The following PROC variants were observed in gnomAD, a reference collection of about 807,000 sequenced individuals.
PROC encodes protein C, inactivator of coagulation factors Va and VIIIa, also known as vitamin K-dependent protein C.
Under a neutral mutation model 36.3 loss-of-function variants are expected in PROC, and 22 were observed. That is an observed-to-expected ratio of 0.61 (90% CI 0.43 to 0.86). The LOEUF (loss-of-function observed/expected upper bound fraction) is 0.86. Ranked by LOEUF, PROC falls within the 40% of genes least tolerant of loss-of-function variation. The pLI is 0.00. For synonymous variants in PROC, 218 were observed against 244.5 expected (o/e 0.89, Z 1.01); for missense variants, 526 against 629.7 (o/e 0.84, Z 1.76).
intron 6 of PROC, 122 bp from the exon 7 acceptor site, chr2:127,425,963 T>A (rs1339783901): frequency 9.5e-7 from 1 of 1,050,272 alleles, no homozygotes; most frequent in Non-Finnish European, 1.5e-6. Flanking sequence ...GGTCTAAGTA[T>A]CATTGGTTCC....
chr2:127,426,637 G>A lies in PROC; in HGVS notation c.678+410G>A. 3.0e-6 allele frequency: 1 copy of A among 335,290 alleles called. No homozygotes were observed. The highest frequency in any genetic ancestry group is 5.7e-6 in the Non-Finnish European group (1 of 174,086). The allele number at this position is 335,290 out of a possible 1,614,324, so 20.8% of individuals were successfully genotyped here. A position where few individuals can be genotyped will look rare whatever the true frequency, so the allele number is the denominator to read the frequency against. ...TCTCTGCCAGGCATGGGGGAGATAGGAACCAACAAGTGGGAGTATTTGCCC... is the reference window on the plus strand; with the variant it reads ...TCTCTGCCAGGCATGGGGGAGATAGAAACCAACAAGTGGGAGTATTTGCCC... On this transcript the variant is annotated intron_variant, in intron 7 of 8. Coordinates refer to ENST00000234071, the MANE Select transcript of PROC (RefSeq NM_000312.4). The surrounding 1 kb of genome is among the most constrained non-coding windows in gnomAD (Gnocchi z 7.0).
At chr2:127,427,717 G>A (rs1193353740) in intron 8 of PROC, among the ~76,000 whole-genome samples, 1 of 152,216 alleles carries the variant, frequency 6.6e-6, no homozygotes, top group Admixed American at 6.5e-5. Context: ...TTCTGGAGGG[G>A]GGGTCTGGCT....
chr2:127,420,124 G>A (rs1688004256), intron 2 of PROC, 112 bp downstream of exon 2: 3 of 1,270,628 alleles, frequency 2.4e-6, no homozygotes, highest in Admixed American at 1.9e-5. Context: ...TGGGTGAGGT[G>A]AGGGGCAGAT....
rs752290840 is a variant in PROC, at chr2:127,428,372, G to A, written c.812G>A (p.Arg271Gln). The stretch of plus-strand genomic sequence containing the variant: ...TGCCCTGCAGGAGAGTATGACCTGC[G>A]GCGCTGGGAGAAGTGGGAGCTGGAC... ...LLVRLGEYDL[R>Q]RWEKWELDLD... The change falls in exon 9 of 9, where the codon CGG (arginine) becomes CAG (glutamine). Residue 271 changes from arginine (R) to glutamine (Q), a missense_variant. Arg to Gln is a conservative substitution (Grantham distance 43). Coordinates refer to ENST00000234071, the MANE Select transcript of PROC (RefSeq NM_000312.4). The A allele has an allele frequency of 2.5e-6, 4 of 1,613,886 alleles. No individual in the cohort carries two copies. The highest frequency in any genetic ancestry group is 1.7e-5 in the Admixed American group (1 of 59,994).
rs1407879490 is a variant in PROC at position 127,426,805 on chromosome 2, G to A, written c.679-300G>A. Among the ~76,000 whole-genome samples the A allele has an allele frequency of 6.6e-6, 1 of 152,220 alleles. No individual in the cohort carries two copies. The highest frequency in any genetic ancestry group is 1.5e-5 in the Non-Finnish European group (1 of 68,036). ...AGCCTGGGGGCCACAAAGTCTTCCT[G>A]GAAGACACAAGGCCTGGCCAAGCCT... On this transcript the variant is annotated intron_variant, in intron 7 of 8. Transcript: ENST00000234071. The surrounding 1 kb of genome is among the most constrained non-coding windows in gnomAD (Gnocchi z 7.0).
chr2:127,418,558 C>CTAGG lies in PROC; in HGVS notation c.-22+68_-22+71dup. ...GAGGGCTGCCCCCGGGAGAAGAGAG[C>CTAGG]TAGGTGGTGATGAGGGCTGAATCCT... On this transcript the variant is annotated intron_variant, in intron 1 of 8. Coordinates refer to ENST00000234071, the MANE Select transcript of PROC (RefSeq NM_000312.4). This position sits in a 1 kb window ranked among gnomAD's most constrained non-coding sequence, Gnocchi z 4.8. The CTAGG allele has an allele frequency of 7.9e-7, 1 of 1,258,140 alleles. No homozygotes were observed. The highest frequency in any genetic ancestry group is 2.2e-4 in the Middle Eastern group (1 of 4,636). 77.9% of individuals were successfully genotyped at this position (1,258,140 alleles called of 1,614,324 possible).
chr2:127,425,043 G>C (rs1688394038), intron 6 of PROC, among the ~76,000 whole-genome samples: 1 of 152,232 alleles, frequency 6.6e-6, no homozygotes, highest in Non-Finnish European at 1.5e-5. Flanking sequence ...CCTAGTCAGA[G>C]CCTCTGGTTC....
In PROC at chr2:127,428,725, GGCA is replaced by G. The variant is rs1279074612; in HGVS notation, c.1166_1168del (p.Gly389_Ile390delinsVal). 1 of 1,613,672 alleles carries G rather than the reference GGCA, an allele frequency of 6.2e-7. No individual in the cohort carries two copies. Among genetic ancestry groups the G allele is most frequent in the East Asian group, 2.2e-5 (1 of 44,880 alleles). ...GGTGTCTGAGAACATGCTGTGTGCG[GGCA>G]TCCTCGGGGACCGGCAGGATGCCTG... On this transcript the variant is annotated inframe_deletion, in exon 9 of 9. Coordinates refer to ENST00000234071, the MANE Select transcript of PROC (RefSeq NM_000312.4).
In PROC at chr2:127,426,338, G is replaced by A. The variant is rs2069928; in HGVS notation, c.678+111G>A. On this transcript the variant is annotated intron_variant, in intron 7 of 8. Coordinates refer to ENST00000234071, the MANE Select transcript of PROC (RefSeq NM_000312.4). This position sits in a 1 kb window ranked among gnomAD's most constrained non-coding sequence, Gnocchi z 7.0. ...ACCGAGAGGGAAGCGCTGCCATTGCGTTTGGGGGATGATGAAGGTGGGGGA... is the reference window on the plus strand; with the variant it reads ...ACCGAGAGGGAAGCGCTGCCATTGCATTTGGGGGATGATGAAGGTGGGGGA... 7 of 1,455,564 alleles carry A rather than the reference G, an allele frequency of 4.8e-6. No individual in the cohort carries two copies. Among genetic ancestry groups the A allele is most frequent in the African/African-American group, 1.4e-5 (1 of 71,118 alleles). The allele number at this position is 1,455,564 out of a possible 1,614,324, so 90.2% of individuals were successfully genotyped here.
chr2:127,418,856 C>T lies in PROC; in HGVS notation c.-22+364C>T, dbSNP rs1423489084. 3.3e-5 allele frequency among the ~76,000 whole-genome samples: 5 copies of T among 152,140 alleles called. No homozygotes were observed. The highest frequency in any genetic ancestry group is 1.9e-4 in the East Asian group (1 of 5,200). On this transcript the variant is annotated intron_variant, in intron 1 of 8. Transcript: ENST00000234071. The surrounding 1 kb of genome is among the most constrained non-coding windows in gnomAD (Gnocchi z 4.8). ...GTCGGCAAGAATGGAGAGCAGGGTC[C>T]GGTAGGGTGTGCAGAGGGCCACGTG...
chr2:127,424,382 A>G (rs1247794854), intron 6 of PROC, among the ~76,000 whole-genome samples: 3 of 152,086 alleles, frequency 2.0e-5, no homozygotes, highest in Non-Finnish European at 4.4e-5. Context: ...TGTTTTTAGT[A>G]GAGAAGGGGT....
At chr2:127,421,261 C>T (rs763243575) in intron 2 of PROC, 22 bp from the exon 3 acceptor site, 3 of 1,613,146 alleles carry the variant, frequency 1.9e-6, no homozygotes, top group Admixed American at 1.7e-5. Flanking sequence ...CCAAGGTGAG[C>T]TCCCCCTCCC....
intron 6 of PROC, among the ~76,000 whole-genome samples, chr2:127,424,808 C>A (rs771833288): frequency 8.5e-5 from 13 of 152,222 alleles, no homozygotes; most frequent in Non-Finnish European, 1.3e-4. Flanking sequence ...CTTGGGAAGG[C>A]CCTGTCATTG....
intron 3 of PROC, among the ~76,000 whole-genome samples, chr2:127,422,091 G>A (rs958319163): frequency 1.3e-5 from 2 of 152,140 alleles, no homozygotes; most frequent in Non-Finnish European, 2.9e-5. Flanking sequence ...AATTGTGCAC[G>A]GCCTGGGCCC....
intron 3 of PROC, among the ~76,000 whole-genome samples, chr2:127,422,235 C>T (rs527867493): frequency 6.6e-6 from 1 of 152,354 alleles, no homozygotes; most frequent in South Asian, 2.1e-4. Flanking sequence ...CCCACCACCT[C>T]TTTCCCCAGT....
intron 1 of PROC, 128 bp from the exon 2 acceptor site, chr2:127,419,794 C>T: frequency 6.5e-7 from 1 of 1,545,294 alleles, no homozygotes; most frequent in Non-Finnish European, 8.7e-7. Flanking sequence ...GAACAAGGAC[C>T]CTCAATCCCA....
Position 127,418,702 on chromosome 2 carries a change from C to T in PROC, c.-22+210C>T, listed in dbSNP as rs577144951. Among the ~76,000 whole-genome samples the T allele has an allele frequency of 6.6e-6, 1 of 152,186 alleles. No homozygotes were observed. The highest frequency in any genetic ancestry group is 1.5e-5 in the Non-Finnish European group (1 of 68,020). On this transcript the variant is annotated intron_variant, in intron 1 of 8. Coordinates refer to ENST00000234071, the MANE Select transcript of PROC (RefSeq NM_000312.4). The surrounding 1 kb of genome is among the most constrained non-coding windows in gnomAD (Gnocchi z 4.8). ...GCCATGCGCCTCCCTCTTTCCAGGC[C>T]AAGGGTCCCCAGGGCCCAGGGCCAT...
chr2:127,421,589 G>C, intron 3 of PROC, 140 bp downstream of exon 3: 1 of 979,532 alleles, frequency 1.0e-6, no homozygotes, highest in East Asian at 2.6e-5. Context: ...TTAGGATGCT[G>C]GCCCTATGAT....
chr2:127,427,041 G>C, intron 7 of PROC, 64 bp from the exon 8 acceptor site: 1 of 1,409,018 alleles, frequency 7.1e-7, no homozygotes, highest in Non-Finnish European at 1.0e-6. Flanking sequence ...ATGAAACCCA[G>C]GTGCCCTGGA....
Sources: gnomAD v4.1 joint callset for allele counts (sites outside exome capture counted in the v4.1 genomes callset) on GRCh38, gnomAD v4.1.1 for gene constraint, Gnocchi (gnomAD v3.1) non-coding constraint, MANE v1.5 for transcripts, NCBI Gene and HGNC (gene_info 2026-07-23, HGNC 2026-07-21) for gene names.